Variants in SPATA17 observed in about 807,000 individuals in gnomAD.
SPATA17 encodes the protein spermatogenesis-associated protein 17.
SPATA17 carries 53 observed loss-of-function variants against 62.2 expected under a neutral mutation model. The ratio of observed to expected loss-of-function variants is 0.85; its 90% confidence interval spans 0.68 to 1.07. SPATA17 has a LOEUF of 1.07. Ranked by LOEUF, SPATA17 falls within the 50% of genes least tolerant of loss-of-function variation. The pLI is 0.00. For synonymous variants in SPATA17, 146 were observed against 146.8 expected (o/e 0.99, Z 0.04); for missense variants, 466 against 425.5 (o/e 1.10, Z -0.84).
chr1:217,742,062 A>C lies in SPATA17; in HGVS notation c.483A>C (p.Gln161His). ...LEREEKKRDY[Q>H]ARKMHYLLST... The stretch of plus-strand genomic sequence containing the variant: ...GGGAAGAGAAGAAAAGAGATTACCA[A>C]GCCCGAAAGATGCATTACCTCCTCA... The change falls in exon 6 of 11, where the codon CAA becomes CAC. Residue 161 changes from glutamine (Q) to histidine (H), a missense_variant. Gln to His is a conservative substitution (Grantham distance 24). Coordinates refer to ENST00000366933, the MANE Select transcript of SPATA17 (RefSeq NM_138796.4). The C allele has an allele frequency of 1.9e-6, 3 of 1,614,196 alleles. No individual in the cohort carries two copies. The highest frequency in any genetic ancestry group is 2.5e-6 in the Non-Finnish European group (3 of 1,180,032).
At chr1:217,719,610 C>T (rs1173170715) in intron 5 of SPATA17, among the ~76,000 whole-genome samples, 2 of 152,138 alleles carry the variant, frequency 1.3e-5, no homozygotes, top group East Asian at 1.9e-4. Flanking sequence ...GAGACAAAAT[C>T]CACACCAGTA....
intron 7 of SPATA17, among the ~76,000 whole-genome samples, chr1:217,775,032 A>T (rs1341804473): frequency 6.6e-6 from 1 of 152,150 alleles, no homozygotes; most frequent in African/African-American, 2.4e-5. Flanking sequence ...TTGCCAGATT[A>T]TATGGTAATT....
intron 3 of SPATA17, among the ~76,000 whole-genome samples, chr1:217,663,076 A>C (rs1234521223): frequency 6.6e-6 from 1 of 152,200 alleles, no homozygotes; most frequent in Non-Finnish European, 1.5e-5. Context: ...TCTTAAAGAT[A>C]ATATTACTGG....
intron 9 of SPATA17, among the ~76,000 whole-genome samples, chr1:217,827,351 A>G (rs1283065294): frequency 6.6e-6 from 1 of 152,148 alleles, no homozygotes; most frequent in African/African-American, 2.4e-5. Context: ...TACCCAAAGC[A>G]ATATACACAT....
At chr1:217,634,149 G>A (rs1669884647) in intron 1 of SPATA17, among the ~76,000 whole-genome samples, 1 of 152,222 alleles carries the variant, frequency 6.6e-6, no homozygotes, top group African/African-American at 2.4e-5. Flanking sequence ...AAGATAGTAG[G>A]CAGTTGTTGT....
At chr1:217,639,902 A>G (rs1571697649) in intron 1 of SPATA17, among the ~76,000 whole-genome samples, 1 of 151,956 alleles carries the variant, frequency 6.6e-6, no homozygotes, top group Non-Finnish European at 1.5e-5. Flanking sequence ...CAAAGCCAAT[A>G]CCATAATGTT....
chr1:217,756,323 G>GT (rs35714970), intron 6 of SPATA17, among the ~76,000 whole-genome samples: 71,930 of 150,060 alleles, frequency 0.48, 18,504 homozygotes, highest in Non-Finnish European at 0.59. Flanking sequence ...ATTTTTTGTG[G>GT]TTTTTTTTTG....
chr1:217,767,726 T>C (rs1673334389), intron 6 of SPATA17, among the ~76,000 whole-genome samples: 1 of 152,210 alleles, frequency 6.6e-6, no homozygotes. Flanking sequence ...TCTGCTTACA[T>C]TGGCCATCTT....
chr1:217,685,685 C>T (rs1571730335), intron 5 of SPATA17, among the ~76,000 whole-genome samples: 1 of 151,928 alleles, frequency 6.6e-6, no homozygotes, highest in African/African-American at 2.4e-5. Flanking sequence ...TACATCTAAC[C>T]AGGCCATTGT....
intron 1 of SPATA17, among the ~76,000 whole-genome samples, chr1:217,637,729 C>G (rs937301490): frequency 6.6e-6 from 1 of 152,048 alleles, no homozygotes; most frequent in African/African-American, 2.4e-5. Context: ...AGATGTGAGT[C>G]CCTTCCCCTG....
chr1:217,756,727 T>A (rs538886957), intron 6 of SPATA17, among the ~76,000 whole-genome samples: 3 of 152,212 alleles, frequency 2.0e-5, no homozygotes, highest in Non-Finnish European at 4.4e-5. Context: ...CAAGGCTTCA[T>A]GGGTCCTTAT....
intron 4 of SPATA17, among the ~76,000 whole-genome samples, chr1:217,680,761 T>C (rs1412795922): frequency 6.8e-6 from 1 of 146,518 alleles, no homozygotes; most frequent in South Asian, 2.2e-4. Context: ...CCTGCCTCTA[T>C]TAAAATTACA....
At chr1:217,856,074 A>G (rs1858226) in intron 9 of SPATA17, among the ~76,000 whole-genome samples, 38,136 of 152,042 alleles carry the variant, frequency 0.25, 6,087 homozygotes, top group East Asian at 0.55. Context: ...AAACAGGAAA[A>G]GAATCAGTAG....
At chr1:217,714,484 G>GTTTTTTTTTTTTTTTTTTT (rs1456324571) in intron 5 of SPATA17, among the ~76,000 whole-genome samples, 1 of 124,000 alleles carries the variant, frequency 8.1e-6, no homozygotes. Flanking sequence ...TGGAAAACGT[G>GTTTTTTTTTTTTTTTTTTT]TTTCTTTTTT....
At chr1:217,791,935 T>G (rs1338441949) in intron 8 of SPATA17, among the ~76,000 whole-genome samples, 1 of 152,068 alleles carries the variant, frequency 6.6e-6, no homozygotes, top group East Asian at 1.9e-4. Context: ...AGAGAAAGGT[T>G]GAGAAGCTGC....
Position 217,683,361 on chromosome 1 carries a change from G to T in SPATA17, c.395G>T (p.Arg132Met). Reference protein sequence around the residue: ...KVVSETNDAIRKALEEFAEMK... With the variant: ...KVVSETNDAIMKALEEFAEMK... ...GTTTCAGAGACCAATGATGCAATTA[G>T]GTAAGTAGTGCAATCATCCATTCAC... The change falls in exon 5 of 11, where the codon AGG becomes ATG. Residue 132 changes from arginine (R) to methionine (M), a missense_variant and splice_region_variant. Transcript: ENST00000366933. The T allele has an allele frequency of 8.9e-6, 14 of 1,573,764 alleles. No homozygotes were observed. Among genetic ancestry groups the T allele is most frequent in the Non-Finnish European group, 1.0e-5 (12 of 1,145,698 alleles).
intron 5 of SPATA17, among the ~76,000 whole-genome samples, chr1:217,707,030 C>A (rs1671753007): frequency 6.6e-6 from 1 of 152,044 alleles, no homozygotes; most frequent in Non-Finnish European, 1.5e-5. Context: ...CCATGCCCAG[C>A]TAATTTTTGT....
rs776730827 is a variant in SPATA17, at chr1:217,862,831, T to C, written c.1063T>C (p.Ser355Pro). 4.3e-6 allele frequency: 7 copies of C among 1,609,628 alleles called. No individual in the cohort carries two copies. In the Admixed American group the frequency reaches 1.2e-4, roughly 27 times the overall value. ...CTTCTCAAAGTATGGAAAATTATATTCAAAAGCTGGACAGATTGTATAAAG... is the reference window on the plus strand; with the variant it reads ...CTTCTCAAAGTATGGAAAATTATATCCAAAAGCTGGACAGATTGTATAAAG... The part of the protein sequence containing the change: ...ELFSKYGKLY[S>P]KAGQIV Residue 355 changes from serine (S) to proline (P), a missense_variant, in exon 10 of 11, where the codon TCA (serine) becomes CCA (proline). By Grantham distance (74) the Ser-to-Pro change is moderately conservative. Transcript: ENST00000366933.
rs191946197 is a variant in SPATA17, at chr1:217,868,350, C to G, written c.*1331C>G. On this transcript the variant is annotated 3_prime_UTR_variant, in exon 11 of 11. Transcript: ENST00000366933. ...ATACATATACTCCTCCTCTTATAAT[C>G]GGTTATGTGCCAATAAATCCATTGT... 6.6e-6 allele frequency: 1 copy of G among 152,042 alleles called. No individual in the cohort carries two copies. The highest frequency in any genetic ancestry group is 2.4e-5 in the African/African-American group (1 of 41,416). The allele number at this position is 152,042 out of a possible 1,614,324, so 9.4% of individuals were successfully genotyped here.
Sources: gnomAD v4.1 joint callset for allele counts (sites outside exome capture counted in the v4.1 genomes callset) on GRCh38, gnomAD v4.1.1 for gene constraint, MANE v1.5 for transcripts, NCBI Gene and HGNC (gene_info 2026-07-23, HGNC 2026-07-21) for gene names.